Variants in GALNT14 observed in about 807,000 individuals in gnomAD.
GALNT14 encodes the protein UDP-GalNAc:polypeptide N-acetylgalactosaminyltransferase 14.
A neutral mutation model predicts 77.5 loss-of-function variants in GALNT14; 60 were observed. That is an observed-to-expected ratio of 0.77 (90% confidence interval 0.63 to 0.96). GALNT14 has a LOEUF of 0.96. GALNT14 is among the 40% of genes least tolerant of loss of function. The pLI is 0.00. For missense variants in GALNT14, 710 were observed against 731.0 expected, an observed-to-expected ratio of 0.97 and a Z score of 0.33; for synonymous variants, 280 against 281.7, an observed-to-expected ratio of 0.99 and a Z score of 0.06.
intron 1 of GALNT14, among the ~76,000 whole-genome samples, chr2:31,091,172 AC>A (rs1676718231): frequency 6.6e-6 from 1 of 152,062 alleles, no homozygotes; most frequent in Admixed American, 6.6e-5. Context: ...CCCAAATCCT[AC>A]CCACCCCCCA....
At chr2:30,998,738 G>T (rs952094976) in intron 1 of GALNT14, among the ~76,000 whole-genome samples, 2 of 152,220 alleles carry the variant, frequency 1.3e-5, no homozygotes, top group African/African-American at 4.8e-5. Context: ...CACACAGCTT[G>T]TCAATGCTGG....
At chr2:30,965,648 A>C (rs1001454214) in intron 3 of GALNT14, among the ~76,000 whole-genome samples, 5 of 152,168 alleles carry the variant, frequency 3.3e-5, no homozygotes, top group African/African-American at 1.2e-4. Context: ...TTAGAGCAAG[A>C]ACACGACCCA....
intron 13 of GALNT14, among the ~76,000 whole-genome samples, chr2:30,916,754 C>T (rs750963767): frequency 2.0e-5 from 3 of 151,872 alleles, no homozygotes; most frequent in Non-Finnish European, 4.4e-5. Flanking sequence ...CACAGGATGG[C>T]GAAGCAGGGA....
At chr2:30,919,323 G>GA (rs1281907875) in intron 13 of GALNT14, among the ~76,000 whole-genome samples, 1 of 152,180 alleles carries the variant, frequency 6.6e-6, no homozygotes, top group East Asian at 1.9e-4. Flanking sequence ...TCCCAAGGTT[G>GA]ACAAGTCAGC....
intron 1 of GALNT14, among the ~76,000 whole-genome samples, chr2:31,081,012 G>T (rs373232273): frequency 6.6e-6 from 1 of 152,202 alleles, no homozygotes; most frequent in Non-Finnish European, 1.5e-5. Context: ...GCCTCAAGAT[G>T]TAAGGGGTTC....
intron 1 of GALNT14, among the ~76,000 whole-genome samples, chr2:31,091,564 C>A (rs995889336): frequency 4.6e-5 from 7 of 152,162 alleles, no homozygotes; most frequent in African/African-American, 1.7e-4. Flanking sequence ...TTTAGTCCAT[C>A]CAGGCTGCTA....
At chr2:30,995,033 G>C (rs1669937980) in intron 1 of GALNT14, among the ~76,000 whole-genome samples, 1 of 151,998 alleles carries the variant, frequency 6.6e-6, no homozygotes. Flanking sequence ...ATCTTACTTT[G>C]CTTAAGGGAG....
chr2:31,048,423 C>T (rs11898944), intron 1 of GALNT14, among the ~76,000 whole-genome samples: 58,881 of 152,078 alleles, frequency 0.39, 11,736 homozygotes, highest in East Asian at 0.54. Context: ...CAGGGCTCTA[C>T]TTCTTTATTA....
chr2:30,891,703 G>C, the GALNT14 span, among the ~76,000 whole-genome samples: 2 of 152,096 alleles, frequency 1.3e-5, no homozygotes, highest in Admixed American at 6.5e-5. Flanking sequence ...GGATGGGTAA[G>C]GTTTTGAATC....
intron 9 of GALNT14, among the ~76,000 whole-genome samples, chr2:30,936,555 A>G (rs1430743833): frequency 6.6e-6 from 1 of 152,192 alleles, no homozygotes; most frequent in Non-Finnish European, 1.5e-5. Flanking sequence ...TGAGAAACAG[A>G]CACTCACCTG....
At chr2:31,023,988 C>A (rs1671891691) in intron 1 of GALNT14, among the ~76,000 whole-genome samples, 1 of 152,138 alleles carries the variant, frequency 6.6e-6, no homozygotes, top group Non-Finnish European at 1.5e-5. Flanking sequence ...AAAATATATC[C>A]TGAGTGTGTG....
At chr2:30,930,542 C>T (rs1448516559) in intron 10 of GALNT14, among the ~76,000 whole-genome samples, 1 of 152,190 alleles carries the variant, frequency 6.6e-6, no homozygotes, top group Non-Finnish European at 1.5e-5. Context: ...CCAGAAAGAG[C>T]CCCAGAAAAG....
rs745780500 is a variant in GALNT14, at chr2:30,924,272, G to C, written c.1236-9C>G. 1.2e-6 allele frequency: 2 copies of C among 1,613,846 alleles called. No homozygotes were observed. Among genetic ancestry groups the C allele is most frequent in the Admixed American group, 1.7e-5 (1 of 59,992 alleles). On this transcript the variant is annotated splice_polypyrimidine_tract_variant and intron_variant, in intron 12 of 14. Coordinates refer to ENST00000349752, the MANE Select transcript of GALNT14 (RefSeq NM_024572.4). Reference sequence around the variant, plus strand: ...AGGACTCCTTGGGGATGCTGGAGGAGAGTCACAGGGAGAGAGGAGAGTCCA... The same window carrying C: ...AGGACTCCTTGGGGATGCTGGAGGACAGTCACAGGGAGAGAGGAGAGTCCA...
chr2:31,031,346 A>C (rs1284461767), intron 1 of GALNT14, among the ~76,000 whole-genome samples: 1 of 152,152 alleles, frequency 6.6e-6, no homozygotes, highest in East Asian at 1.9e-4. Flanking sequence ...AAAGCACATG[A>C]CTTGGTCACA....
intron 1 of GALNT14, among the ~76,000 whole-genome samples, chr2:31,029,410 C>A (rs1447792246): frequency 6.6e-6 from 1 of 152,188 alleles, no homozygotes; most frequent in Non-Finnish European, 1.5e-5. Flanking sequence ...ATCATCTCCA[C>A]CAGCATCCGA....
chr2:31,130,734 CTGTGTGTGTGTGTGTGTGTGTG>C (rs4020220), intron 1 of GALNT14, among the ~76,000 whole-genome samples: 1 of 117,468 alleles, frequency 8.5e-6, no homozygotes, highest in Non-Finnish European at 1.7e-5. Flanking sequence ...CAGGGTACCT[CTGTGTGTGTGTGTGTGTGTGTG>C]TGTGTGTGTG....
chr2:31,048,742 T>A (rs1218600748), intron 1 of GALNT14, among the ~76,000 whole-genome samples: 1 of 152,088 alleles, frequency 6.6e-6, no homozygotes, highest in Non-Finnish European at 1.5e-5. Context: ...TGCCAGGAGC[T>A]CTATGTGACC....
At chr2:31,019,188 A>G (rs1671565052) in intron 1 of GALNT14, among the ~76,000 whole-genome samples, 1 of 152,180 alleles carries the variant, frequency 6.6e-6, no homozygotes, top group Admixed American at 6.5e-5. Flanking sequence ...GAAGCCCCAG[A>G]GTAGGCAACT....
At chr2:31,062,051 T>C (rs149306470) in intron 1 of GALNT14, among the ~76,000 whole-genome samples, 1,859 of 152,260 alleles carry the variant, frequency 0.012, 46 homozygotes, top group African/African-American at 0.042. Context: ...GTCATACTAA[T>C]TTTTTTTATT....
Sources: allele counts gnomAD v4.1 joint callset (sites outside exome capture counted in the v4.1 genomes callset), GRCh38; gene constraint gnomAD v4.1.1; transcripts MANE v1.5; gene names NCBI Gene and HGNC (gene_info 2026-07-23, HGNC 2026-07-21).